EFCAB6: variants seen among roughly 807,000 people sequenced by gnomAD.
EFCAB6 encodes EF-hand calcium-binding domain-containing protein 6.
A neutral mutation model predicts 169.8 loss-of-function variants in EFCAB6; 156 were observed. The observed-to-expected ratio is 0.92, with a 90% CI of 0.81 to 1.05. The LOEUF is 1.05. EFCAB6 is among the 50% of genes least tolerant of loss of function. The pLI, the probability that EFCAB6 is intolerant of heterozygous loss-of-function variation, is 0.00. For synonymous variants in EFCAB6, 698 were observed against 676.4 expected (o/e 1.03, Z -0.50); for missense variants, 1,800 against 1,829.1 (o/e 0.98, Z 0.29).
chr22:43,618,165 GGAAAGAAAGAAAGAAA>G (rs1172174002), intron 20 of EFCAB6, among the ~76,000 whole-genome samples: 1,820 of 68,146 alleles, frequency 0.027, 53 homozygotes, highest in Middle Eastern at 0.049. Flanking sequence ...AAGGAAGGAA[GGAAAGAAAGAAAGAAA>G]GAAAGAAAGA....
In EFCAB6 at chr22:43,765,310, T is replaced by TA. The variant is rs1339067505; in HGVS notation, c.434dup (p.Arg147GlufsTer6). The TA allele has an allele frequency of 8.7e-6, 14 of 1,610,824 alleles. No homozygotes were observed. Among genetic ancestry groups the TA allele is most frequent in the Non-Finnish European group, 1.2e-5 (14 of 1,177,638 alleles). On this transcript the variant is annotated frameshift_variant, in exon 5 of 32. Coordinates refer to ENST00000262726, the MANE Select transcript of EFCAB6 (RefSeq NM_022785.4). LOFTEE classifies it high-confidence loss of function. ...TGAGCAAACCAAACACTTACCTCTT[T>TA]ATACCATTTATATATAGGTCAATTC... is the stretch of plus-strand genomic sequence containing the variant.
At position 43,706,340 on chromosome 22, in the gene EFCAB6, A is replaced by C. The variant is rs577668838; in HGVS notation, c.1031+5135T>G. ...TCATAGAAGCCTTTCCAGAAAACTG[A>C]ATCAGAAGTAGTTCCTCTTTGTTAT... On this transcript the variant is annotated intron_variant, in intron 10 of 31. Coordinates refer to ENST00000262726, the MANE Select transcript of EFCAB6 (RefSeq NM_022785.4). Among the ~76,000 whole-genome samples the C allele has an allele frequency of 5.9e-5, 9 of 152,278 alleles. No homozygotes were observed. The South Asian group carries it at 1.9e-3, about 32-fold the overall frequency.
At chr22:43,668,756 C>T (rs768078650) in intron 16 of EFCAB6, 116 bp downstream of exon 16, 2 of 1,008,746 alleles carry the variant, frequency 2.0e-6, no homozygotes, top group Non-Finnish European at 2.6e-6. Context: ...AGTGTGCCAT[C>T]TTTCTTATTT....
At chr22:43,811,057 A>G (rs1487687324) in intron 1 of EFCAB6, among the ~76,000 whole-genome samples, 3 of 152,082 alleles carry the variant, frequency 2.0e-5, no homozygotes, top group Admixed American at 6.5e-5. Flanking sequence ...GGGCGGATGG[A>G]TCACTTGAGG....
intron 4 of EFCAB6, among the ~76,000 whole-genome samples, chr22:43,772,677 G>C (rs991447751): frequency 6.7e-6 from 1 of 149,878 alleles, no homozygotes; most frequent in Non-Finnish European, 1.5e-5. Flanking sequence ...GAAATGAAAA[G>C]AAACTGGCTG....
chr22:43,704,894 C>G (rs1226155091), intron 10 of EFCAB6, among the ~76,000 whole-genome samples: 1 of 152,082 alleles, frequency 6.6e-6, no homozygotes, highest in Admixed American at 6.5e-5. Context: ...GTAATAAGTT[C>G]TTCCCTATCA....
At chr22:43,538,056 T>A (rs1297587675) in intron 28 of EFCAB6, among the ~76,000 whole-genome samples, 1 of 152,152 alleles carries the variant, frequency 6.6e-6, no homozygotes, top group Non-Finnish European at 1.5e-5. Context: ...GCCCAGGTTT[T>A]TTTTCCTGAA....
intron 6 of EFCAB6, among the ~76,000 whole-genome samples, chr22:43,748,476 C>A (rs1359890418): frequency 6.6e-6 from 1 of 152,166 alleles, no homozygotes; most frequent in Admixed American, 6.5e-5. Context: ...CACATCTCTT[C>A]CCCTATCCCA....
intron 22 of EFCAB6, among the ~76,000 whole-genome samples, chr22:43,602,801 C>T (rs1182395143): frequency 6.6e-6 from 1 of 152,092 alleles, no homozygotes; most frequent in African/African-American, 2.4e-5. Context: ...CCTTTGAGCT[C>T]CTCAAGGCGC....
At chr22:43,810,836 A>G (rs1248542322) in intron 1 of EFCAB6, among the ~76,000 whole-genome samples, 1 of 152,256 alleles carries the variant, frequency 6.6e-6, no homozygotes, top group African/African-American at 2.4e-5. Flanking sequence ...ATCTTGCAAT[A>G]AGACTGGATA....
Position 43,735,854 on chromosome 22 carries a change from T to C in EFCAB6, c.644+3A>G. The C allele has an allele frequency of 6.2e-7, 1 of 1,611,354 alleles. No individual in the cohort carries two copies. Among genetic ancestry groups the C allele is most frequent in the East Asian group, 2.2e-5 (1 of 44,878 alleles). ...ATCTCTCACCGTGCCTTCATTTGCT[T>C]ACTTTTCGTATTCCTCGTCTCTTAA... On this transcript the variant is annotated splice_donor_region_variant and intron_variant, in intron 7 of 31. Transcript: ENST00000262726.
At chr22:43,782,472 C>G in intron 2 of EFCAB6, 147 bp from the exon 3 acceptor site, 1 of 690,886 alleles carries the variant, frequency 1.4e-6, no homozygotes, top group Non-Finnish European at 2.3e-6. Flanking sequence ...ATGTTTCAGA[C>G]TATTCTTAAA....
intron 22 of EFCAB6, among the ~76,000 whole-genome samples, chr22:43,602,168 G>A (rs1296269741): frequency 6.6e-6 from 1 of 152,216 alleles, no homozygotes; most frequent in African/African-American, 2.4e-5. Context: ...ACAGTGCCCC[G>A]CCCAGCTCCT....
At chr22:43,753,362 G>A (rs987725802) in intron 6 of EFCAB6, among the ~76,000 whole-genome samples, 2 of 152,212 alleles carry the variant, frequency 1.3e-5, no homozygotes, top group East Asian at 1.9e-4. Flanking sequence ...AGGACTTAGC[G>A]TGGCTGTTGA....
chr22:43,551,768 C>T (rs956215892), intron 27 of EFCAB6: 8 of 151,684 alleles, frequency 5.3e-5, no homozygotes, highest in Non-Finnish European at 8.8e-5. Context: ...GTTTGGTTTT[C>T]TGTTCCTATG....
At chr22:43,561,041 T>C (rs73887343) in intron 26 of EFCAB6, among the ~76,000 whole-genome samples, 3,399 of 152,062 alleles carry the variant, frequency 0.022, 117 homozygotes, top group African/African-American at 0.078. Flanking sequence ...CAAAAGGAAG[T>C]ATTGCGTGTT....
chr22:43,535,906 T>C (rs1253857586), intron 29 of EFCAB6: 1 of 152,178 alleles, frequency 6.6e-6, no homozygotes, highest in Non-Finnish European at 1.5e-5. Context: ...TGTCAGGACA[T>C]AGCGGGGGCC....
At chr22:43,708,089 T>TAAAAAAAAAAAAAA (rs137824) in intron 10 of EFCAB6, among the ~76,000 whole-genome samples, 1 of 115,550 alleles carries the variant, frequency 8.7e-6, no homozygotes, top group Non-Finnish European at 1.8e-5. Context: ...TAAAGAAAAC[T>TAAAAAAAAAAAAAA]AAAAAAAAAA....
intron 26 of EFCAB6, among the ~76,000 whole-genome samples, chr22:43,559,431 A>C (rs1185565384): frequency 6.6e-6 from 1 of 152,230 alleles, no homozygotes; most frequent in Non-Finnish European, 1.5e-5. Flanking sequence ...AAATTAGTTC[A>C]ACCACTGTGG....
Sources: allele counts gnomAD v4.1 joint callset (sites outside exome capture counted in the v4.1 genomes callset), GRCh38; gene constraint gnomAD v4.1.1; transcripts MANE v1.5; gene names NCBI Gene and HGNC (gene_info 2026-07-23, HGNC 2026-07-21).